The following SFXN5 variants were observed in gnomAD, a reference collection of about 807,000 sequenced individuals.
The protein encoded by SFXN5 is sideroflexin 5, also known as sideroflexin-5.
Under a neutral mutation model 50.2 loss-of-function variants are expected in SFXN5, and 43 were observed. The observed-to-expected ratio is 0.86, with a 90% confidence interval of 0.67 to 1.11. The LOEUF is 1.11. SFXN5 is among the 50% of genes least tolerant of loss of function. The pLI, the probability that SFXN5 is intolerant of heterozygous loss-of-function variation, is 0.00. For synonymous variants in SFXN5, 203 were observed against 185.8 expected, an observed-to-expected ratio of 1.09 and a Z score of -0.75; for missense variants, 463 against 454.1, an observed-to-expected ratio of 1.02 and a Z score of -0.18.
At chr2:72,975,248 G>A (rs1670499475) in intron 10 of SFXN5, among the ~76,000 whole-genome samples, 3 of 152,174 alleles carry the variant, frequency 2.0e-5, no homozygotes, top group Admixed American at 2.0e-4. Flanking sequence ...TGAAGCACCC[G>A]GTGTAAAAGG....
intron 13 of SFXN5, among the ~76,000 whole-genome samples, chr2:72,959,851 T>A (rs1180148204): frequency 6.6e-6 from 1 of 152,150 alleles, no homozygotes; most frequent in Non-Finnish European, 1.5e-5. Context: ...CCCCTCCTGA[T>A]CCCACATCTT....
Position 73,020,273 on chromosome 2 carries a change from G to T in SFXN5, c.332-9C>A. 1 of 1,613,914 alleles carries T rather than the reference G, an allele frequency of 6.2e-7. No individual in the cohort carries two copies. The highest frequency in any genetic ancestry group is 8.5e-7 in the Non-Finnish European group (1 of 1,179,840). On this transcript the variant is annotated splice_polypyrimidine_tract_variant and intron_variant, in intron 5 of 13. Transcript: ENST00000272433. ...CCCAAAAGGAATATAACCTGTGAACGAGAAGAAAAGAGTCAGGCCTTATAA... is the reference window on the plus strand; with the variant it reads ...CCCAAAAGGAATATAACCTGTGAACTAGAAGAAAAGAGTCAGGCCTTATAA...
At position 73,007,688 on chromosome 2, in the gene SFXN5, C is replaced by A. The variant is rs201943085; in HGVS notation, c.358-6110G>T. ...TGTCTTTACATCTCATCCCCTTCCG[C>A]CACACTGACTCGCTCAACTCCAAAA... is the stretch of plus-strand genomic sequence containing the variant. On this transcript the variant is annotated intron_variant, in intron 6 of 13. Transcript: ENST00000272433. Among the ~76,000 whole-genome samples, 5 of 152,256 alleles carry A rather than the reference C, an allele frequency of 3.3e-5. No homozygotes were observed. In the East Asian group the frequency reaches 9.7e-4, roughly 29 times the overall value.
intron 12 of SFXN5, among the ~76,000 whole-genome samples, chr2:72,962,637 T>G (rs558880407): frequency 6.6e-6 from 1 of 152,350 alleles, no homozygotes; most frequent in East Asian, 1.9e-4. Flanking sequence ...TGCTCAGGTA[T>G]TAATAAAGAT....
At chr2:72,996,139 G>T (rs562766461) in intron 9 of SFXN5, among the ~76,000 whole-genome samples, 3 of 152,218 alleles carry the variant, frequency 2.0e-5, no homozygotes, top group Non-Finnish European at 4.4e-5. Context: ...GACACAGTGC[G>T]ACTGAGTGTG....
chr2:73,025,304 T>A (rs1008983789), intron 3 of SFXN5, among the ~76,000 whole-genome samples: 1 of 151,994 alleles, frequency 6.6e-6, no homozygotes, highest in Admixed American at 6.6e-5. Context: ...ACCCCAGTCG[T>A]AACCTTCTGC....
intron 6 of SFXN5, among the ~76,000 whole-genome samples, chr2:73,014,409 T>A (rs1199897731): frequency 6.6e-6 from 1 of 152,160 alleles, no homozygotes; most frequent in Admixed American, 6.5e-5. Flanking sequence ...CTCTGTTCTG[T>A]TCCACTGACA....
Position 72,945,828 on chromosome 2 carries a change from C to T in SFXN5, c.946-729G>A, listed in dbSNP as rs1671872148. 6.6e-6 allele frequency among the ~76,000 whole-genome samples: 1 copy of T among 151,974 alleles called. No individual in the cohort carries two copies. The highest frequency in any genetic ancestry group is 1.5e-5 in the Non-Finnish European group (1 of 67,982). On this transcript the variant is annotated intron_variant, in intron 13 of 13. Coordinates refer to ENST00000272433, the MANE Select transcript of SFXN5 (RefSeq NM_144579.3). This position sits in a 1 kb window ranked among gnomAD's most constrained non-coding sequence, Gnocchi z 5.8. ...CTGGACCCCCAACCACTGCAGACAA[C>T]CACCCCACCCCTGCCCCCATAGCCA...
At chr2:72,995,255 G>A (rs938192052) in intron 9 of SFXN5, among the ~76,000 whole-genome samples, 1 of 152,246 alleles carries the variant, frequency 6.6e-6, no homozygotes, top group Non-Finnish European at 1.5e-5. Context: ...AAAAAACAGT[G>A]AGGATTGAGA....
intron 10 of SFXN5, chr2:72,981,145 C>T (rs747319640): frequency 2.0e-5 from 3 of 152,194 alleles, no homozygotes; most frequent in Non-Finnish European, 2.9e-5. Context: ...ATTCCAATAA[C>T]AGGCTCTCAT....
At chr2:72,962,886 G>C (rs1286869508) in intron 12 of SFXN5, among the ~76,000 whole-genome samples, 2 of 152,142 alleles carry the variant, frequency 1.3e-5, no homozygotes, top group Non-Finnish European at 2.9e-5. Flanking sequence ...CCACAGGATT[G>C]AGCAGTAGGA....
At chr2:73,065,594 G>C (rs1000478112) in intron 1 of SFXN5, among the ~76,000 whole-genome samples, 7 of 151,420 alleles carry the variant, frequency 4.6e-5, no homozygotes, top group Non-Finnish European at 1.0e-4. Flanking sequence ...ACAGGGTTTT[G>C]CCATGTTGGC....
At chr2:73,019,721 C>A (rs1040203169) in intron 6 of SFXN5, 2 of 154,384 alleles carry the variant, frequency 1.3e-5, no homozygotes, top group African/African-American at 4.8e-5. Context: ...AGCCACCGCG[C>A]CCAGCCCTGG....
chr2:73,021,595 C>T (rs1019919885), intron 5 of SFXN5, among the ~76,000 whole-genome samples: 2 of 152,230 alleles, frequency 1.3e-5, no homozygotes, highest in Non-Finnish European at 2.9e-5. Flanking sequence ...TGTCCATCAA[C>T]TTCCTGGTTG....
intron 6 of SFXN5, among the ~76,000 whole-genome samples, chr2:73,018,368 A>G (rs1676429171): frequency 6.6e-6 from 1 of 152,188 alleles, no homozygotes; most frequent in Non-Finnish European, 1.5e-5. Flanking sequence ...GGCATGTCAA[A>G]TAGAGAAACT....
Position 72,944,979 on chromosome 2 carries a change from T to C in SFXN5, c.*43A>G, listed in dbSNP as rs550969738. On this transcript the variant is annotated 3_prime_UTR_variant, in exon 14 of 14. Coordinates refer to ENST00000272433, the MANE Select transcript of SFXN5 (RefSeq NM_144579.3). ...TGAGTCTACGGCCCTGCCCCTCAGC[T>C]CCCCGGCTGCACAGTGCTCCGTCCC... 265 of 1,588,712 alleles carry C rather than the reference T, an allele frequency of 1.7e-4. No homozygotes were observed. The highest frequency in any genetic ancestry group is 9.7e-4 in the East Asian group (43 of 44,522).
chr2:73,042,214 G>A (rs1375108060), intron 2 of SFXN5, among the ~76,000 whole-genome samples: 1 of 152,196 alleles, frequency 6.6e-6, no homozygotes, highest in Non-Finnish European at 1.5e-5. Flanking sequence ...GTATAAGAAT[G>A]TTCATAGCAG....
chr2:73,039,367 A>G (rs1679334737), intron 3 of SFXN5, among the ~76,000 whole-genome samples: 2 of 152,242 alleles, frequency 1.3e-5, no homozygotes, highest in Admixed American at 1.3e-4. Flanking sequence ...AAGTATGCCA[A>G]TGAAAAATCT....
intron 1 of SFXN5, among the ~76,000 whole-genome samples, chr2:73,066,591 T>C (rs997591985): frequency 6.6e-6 from 1 of 151,054 alleles, no homozygotes; most frequent in African/African-American, 2.4e-5. Flanking sequence ...AAAAGAGAAA[T>C]ACCCAAAGGT....
Sources: gnomAD v4.1 joint callset for allele counts (sites outside exome capture counted in the v4.1 genomes callset) on GRCh38, gnomAD v4.1.1 for gene constraint, Gnocchi (gnomAD v3.1) non-coding constraint, MANE v1.5 for transcripts, NCBI Gene and HGNC (gene_info 2026-07-23, HGNC 2026-07-21) for gene names.